SOX5: variants seen among roughly 807,000 people sequenced by gnomAD.
The protein encoded by SOX5 is SRY-box transcription factor 5.
In SOX5, 9 loss-of-function variants were observed where a neutral mutation model predicts 92.0. The observed-to-expected ratio is 0.10, with a 90% CI of 0.06 to 0.17. The LOEUF (loss-of-function observed/expected upper bound fraction) is 0.17. SOX5 is among the 10% of genes least tolerant of loss of function. The pLI, the probability that SOX5 is intolerant of heterozygous loss-of-function variation, is 1.00. For synonymous variants in SOX5, 344 were observed against 336.3 expected, an observed-to-expected ratio of 1.02 and a Z score of -0.25; for missense variants, 642 against 944.5, an observed-to-expected ratio of 0.68 and a Z score of 4.20.
upstream of SOX5, among the ~76,000 whole-genome samples, chr12:23,954,344 T>C (rs1461969709): frequency 2.0e-5 from 3 of 151,976 alleles, no homozygotes; most frequent in Admixed American, 6.6e-5. Flanking sequence ...AATACTAACA[T>C]TTTATTGCCT....
At position 24,391,130 on chromosome 12, in the gene SOX5, G is replaced by C. The variant is rs573031467; in HGVS notation, c.-250-22491C>G. Among the ~76,000 whole-genome samples, 9 of 152,240 alleles carry C rather than the reference G, an allele frequency of 5.9e-5. No individual in the cohort carries two copies. In the East Asian group the frequency reaches 1.7e-3, roughly 29 times the overall value. ...ATAATAGCCATTTTGACTGGTGTGA[G>C]ATGGTATCTCACTGTGGTTTTAATT... On this transcript the variant is annotated intron_variant, in intron 1 of 4. Transcript: ENST00000446891.
In SOX5 at chr12:23,943,548, A is replaced by G. The variant is rs73280195; in HGVS notation, c.38+6016T>C. On this transcript the variant is annotated intron_variant, in intron 1 of 14. Coordinates refer to ENST00000451604, the MANE Select transcript of SOX5 (RefSeq NM_006940.6). Reference sequence around the variant, plus strand: ...CTGTACCACCTTCACTAAGTTACAGAGAAAAATAATAAGAAATAAGCAACA... The same window carrying G: ...CTGTACCACCTTCACTAAGTTACAGGGAAAAATAATAAGAAATAAGCAACA... Among the ~76,000 whole-genome samples the G allele has an allele frequency of 2.9e-3, 442 of 152,250 alleles. 2 individuals carry two copies. Among genetic ancestry groups the G allele is most frequent in the African/African-American group, 0.01 (420 of 41,558 alleles).
intron 2 of SOX5, among the ~76,000 whole-genome samples, chr12:24,318,424 G>C (rs921832484): frequency 2.0e-5 from 3 of 152,124 alleles, no homozygotes; most frequent in Non-Finnish European, 2.9e-5. Flanking sequence ...GGTAGGCTGA[G>C]AGACGGTACA....
intron 6 of SOX5, among the ~76,000 whole-genome samples, chr12:23,700,760 T>C (rs2090510121): frequency 6.6e-6 from 1 of 151,932 alleles, no homozygotes; most frequent in Admixed American, 6.6e-5. Flanking sequence ...TCAAGCCAAA[T>C]AAAAAAGTAT....
chr12:24,261,978 AT>A (rs1942163494), intron 3 of SOX5, among the ~76,000 whole-genome samples: 1 of 152,250 alleles, frequency 6.6e-6, no homozygotes, highest in East Asian at 1.9e-4. Context: ...AATATATTCC[AT>A]AAATGTTTAT....
intron 4 of SOX5, among the ~76,000 whole-genome samples, chr12:24,141,102 C>T (rs996811234): frequency 1.3e-5 from 2 of 152,166 alleles, no homozygotes; most frequent in African/African-American, 4.8e-5. Context: ...AAAAAAGACA[C>T]ACCTTCCCAA....
At chr12:24,265,419 C>T (rs1421972784) in intron 3 of SOX5, among the ~76,000 whole-genome samples, 1 of 152,080 alleles carries the variant, frequency 6.6e-6, no homozygotes, top group Non-Finnish European at 1.5e-5. Flanking sequence ...TGACATGTGC[C>T]TTCAGTCTTA....
intron 3 of SOX5, among the ~76,000 whole-genome samples, chr12:24,253,763 C>A (rs991513398): frequency 6.6e-6 from 1 of 152,086 alleles, no homozygotes; most frequent in African/African-American, 2.4e-5. Flanking sequence ...GAAAGGATGG[C>A]GTTAGGTTTC....
chr12:23,820,248 A>G (rs1451736725), intron 3 of SOX5, among the ~76,000 whole-genome samples: 1 of 152,024 alleles, frequency 6.6e-6, no homozygotes, highest in Non-Finnish European at 1.5e-5. Flanking sequence ...GTCTGTTCAT[A>G]TCCTTTGCCC....
intron 4 of SOX5, among the ~76,000 whole-genome samples, chr12:24,123,094 G>A (rs1397591872): frequency 6.6e-6 from 1 of 152,210 alleles, no homozygotes; most frequent in Non-Finnish European, 1.5e-5. Flanking sequence ...TGCACCTCAT[G>A]TGCCCTTACC....
At chr12:23,942,450 A>T (rs186101771) in intron 1 of SOX5, among the ~76,000 whole-genome samples, 2 of 152,056 alleles carry the variant, frequency 1.3e-5, no homozygotes, top group East Asian at 3.9e-4. Flanking sequence ...ATATGACAAG[A>T]AAACATGATT....
chr12:24,087,791 C>G (rs1944187933), intron 4 of SOX5, among the ~76,000 whole-genome samples: 1 of 151,654 alleles, frequency 6.6e-6, no homozygotes, highest in Non-Finnish European at 1.5e-5. Flanking sequence ...TATAGGAAAT[C>G]TTCCTTTTAA....
intron 2 of SOX5, among the ~76,000 whole-genome samples, chr12:24,283,379 C>T (rs1945449504): frequency 6.6e-6 from 1 of 152,166 alleles, no homozygotes; most frequent in Non-Finnish European, 1.5e-5. Context: ...AAACTTCTCC[C>T]AGCAATATTT....
At chr12:24,123,502 T>C (rs1334361930) in intron 4 of SOX5, among the ~76,000 whole-genome samples, 4 of 152,152 alleles carry the variant, frequency 2.6e-5, no homozygotes, top group Admixed American at 2.6e-4. Flanking sequence ...CCCTTCCCCT[T>C]CATTAAAGCT....
At chr12:24,310,674 G>A (rs79313561) in intron 2 of SOX5, among the ~76,000 whole-genome samples, 4 of 152,176 alleles carry the variant, frequency 2.6e-5, no homozygotes, top group African/African-American at 4.8e-5. Context: ...AAAAGTGGGT[G>A]CAGAGAAATG....
chr12:23,643,672 G>A (rs111552110), intron 7 of SOX5, among the ~76,000 whole-genome samples: 2,145 of 152,298 alleles, frequency 0.014, 44 homozygotes, highest in African/African-American at 0.049. Context: ...TGTTCCAGAA[G>A]CCAAGTAAAG....
intron 2 of SOX5, among the ~76,000 whole-genome samples, chr12:24,317,111 G>C (rs1243729920): frequency 6.6e-6 from 1 of 152,170 alleles, no homozygotes; most frequent in African/African-American, 2.4e-5. Context: ...AGAAAGAGCT[G>C]AGATCTTTTA....
chr12:23,849,465 GTA>G (rs2096607922), intron 2 of SOX5, among the ~76,000 whole-genome samples: 1 of 152,128 alleles, frequency 6.6e-6, no homozygotes. Flanking sequence ...CTGAAGCACA[GTA>G]TATGCTCAAG....
intron 6 of SOX5, among the ~76,000 whole-genome samples, chr12:23,723,819 A>C (rs959277053): frequency 6.6e-6 from 1 of 151,948 alleles, no homozygotes; most frequent in African/African-American, 2.4e-5. Flanking sequence ...TTTTAGTTAA[A>C]CATTTATGTA....
Sources: allele counts gnomAD v4.1 joint callset (sites outside exome capture counted in the v4.1 genomes callset), GRCh38; gene constraint gnomAD v4.1.1; transcripts MANE v1.5; gene names NCBI Gene and HGNC (gene_info 2026-07-23, HGNC 2026-07-21).